ACACB: variants seen among roughly 807,000 people sequenced by gnomAD.
ACACB encodes the protein acetyl-CoA carboxylase beta, also known as acetyl-CoA carboxylase 2.
Under a neutral mutation model 278.8 loss-of-function variants are expected in ACACB, and 209 were observed. The observed-to-expected ratio is 0.75, with a 90% CI of 0.67 to 0.84. ACACB has a LOEUF of 0.84. ACACB is among the 40% of genes least tolerant of loss of function. ACACB has a pLI of 0.00. For synonymous variants in ACACB, 1,174 were observed against 1,285.6 expected (o/e 0.91, Z 1.86); for missense variants, 2,850 against 3,269.0 (o/e 0.87, Z 3.13).
At chr12:109,198,786 A>ATT (rs566012613) in intron 17 of ACACB, among the ~76,000 whole-genome samples, 2 of 146,022 alleles carry the variant, frequency 1.4e-5, no homozygotes, top group African/African-American at 5.0e-5. Context: ...ACGCCCAGCT[A>ATT]TTTTTTTTTT....
chr12:109,210,283 A>ATG, intron 21 of ACACB, among the ~76,000 whole-genome samples: 1 of 21,072 alleles, frequency 4.7e-5, no homozygotes, highest in East Asian at 1.8e-3. Flanking sequence ...ATACACACAC[A>ATG]TATCTGTGTG....
chr12:109,257,135 G>C (rs771198094), intron 45 of ACACB, among the ~76,000 whole-genome samples: 1 of 152,166 alleles, frequency 6.6e-6, no homozygotes, highest in Admixed American at 6.5e-5. Context: ...TTAGCTGGGC[G>C]TGGTGGCAGG....
intron 40 of ACACB, 42 bp from the exon 41 acceptor site, chr12:109,249,942 T>G (rs751367571): frequency 5.1e-6 from 8 of 1,564,540 alleles, no homozygotes; most frequent in Non-Finnish European, 6.9e-6. Flanking sequence ...TTGGATTTTT[T>G]GGGGCTAGAG....
In ACACB at chr12:109,188,158, A is replaced by T. The variant is rs1593502488; in HGVS notation, c.2140A>T (p.Ile714Phe). The T allele has an allele frequency of 6.3e-7, 1 of 1,594,334 alleles. No homozygotes were observed. Among genetic ancestry groups the T allele is most frequent in the African/African-American group, 1.3e-5 (1 of 74,280 alleles). ...FSWGENREEA[I>F]SNMVVALKEL... ...CTGGGGAGAGAACCGGGAAGAGGCC[A>T]TTTCGTCAGTATCTCCTTCCTTCCT... The change falls in exon 13 of 53, where the codon ATT becomes TTT. Residue 714 changes from isoleucine to phenylalanine, a missense_variant. Ile to Phe is a conservative substitution (Grantham distance 21). This residue lies in a region of ACACB where 2,265 missense variants were observed against 2,561.3 expected (regional missense o/e 0.88). Transcript: ENST00000338432.
At position 109,168,013 on chromosome 12, in the gene ACACB, G is replaced by C. The variant is rs763571331; in HGVS notation, c.904G>C (p.Glu302Gln). 6.2e-7 allele frequency: 1 copy of C among 1,612,696 alleles called. No homozygotes were observed. Among genetic ancestry groups the C allele is most frequent in the Non-Finnish European group, 8.5e-7 (1 of 1,179,296 alleles). ...CCGGTTTGTTGTGATGGTGACCCCC[G>C]AGGACCTTAAGGCCAACGCAGGTAC... The part of the protein sequence containing the change: ...AIRFVVMVTP[E>Q]DLKANAEYIK... Residue 302 changes from glutamate (E) to glutamine (Q), a missense_variant, in exon 4 of 53, where the codon GAG (glutamate) becomes CAG (glutamine). This residue lies in a region of ACACB where 2,265 missense variants were observed against 2,561.3 expected (regional missense o/e 0.88). Transcript: ENST00000338432.
In ACACB at chr12:109,203,814, G is replaced by A. The variant is rs116111622; in HGVS notation, c.2913+2113G>A. Among the ~76,000 whole-genome samples the A allele has an allele frequency of 8.6e-3, 1,315 of 152,232 alleles. 30 individuals are homozygous for A. The highest frequency in any genetic ancestry group is 0.03 in the African/African-American group (1,252 of 41,526). ...GTCCCTGAGGTCAAGGACTACTTTC[G>A]ATGTCCACTGTTGTGATCCTGGGGC... On this transcript the variant is annotated intron_variant, in intron 19 of 52. Coordinates refer to ENST00000338432, the MANE Select transcript of ACACB (RefSeq NM_001093.4).
At chr12:109,215,610 A>G (rs1011722100) in intron 22 of ACACB, among the ~76,000 whole-genome samples, 1 of 151,988 alleles carries the variant, frequency 6.6e-6, no homozygotes, top group Non-Finnish European at 1.5e-5. Context: ...AAAAATACAA[A>G]AAAATTAGCC....
intron 22 of ACACB, among the ~76,000 whole-genome samples, chr12:109,213,273 A>G (rs1030474139): frequency 6.6e-6 from 1 of 152,182 alleles, no homozygotes; most frequent in African/African-American, 2.4e-5. Context: ...CATGTTGGCC[A>G]GGCTGGTCTC....
chr12:109,164,841 C>T lies in ACACB; in HGVS notation c.654-2020C>T, dbSNP rs566246061. Among the ~76,000 whole-genome samples the T allele has an allele frequency of 2.4e-4, 36 of 149,132 alleles. No homozygotes were observed. The South Asian group carries it at 5.1e-3, about 21-fold the overall frequency. On this transcript the variant is annotated intron_variant, in intron 2 of 52. Transcript: ENST00000338432. ...CAAGCAATTCTCCCTCCTCGGCTTT[C>T]CAAGGTGCTGGGATTACAGGTGTGA...
intron 11 of ACACB, among the ~76,000 whole-genome samples, chr12:109,182,191 G>C (rs1336965817): frequency 6.6e-6 from 1 of 152,116 alleles, no homozygotes; most frequent in Non-Finnish European, 1.5e-5. Flanking sequence ...ATTTTAACTG[G>C]AGTGAGACAA....
chr12:109,215,183 C>G, intron 22 of ACACB, among the ~76,000 whole-genome samples: 1 of 151,592 alleles, frequency 6.6e-6, no homozygotes, highest in East Asian at 1.9e-4. Flanking sequence ...TTAAAATGGT[C>G]TCTATACCTT....
chr12:109,254,167 T>C (rs997153164), intron 43 of ACACB, 47 bp from the exon 44 acceptor site: 4 of 1,609,050 alleles, frequency 2.5e-6, no homozygotes, highest in African/African-American at 2.7e-5. Flanking sequence ...AGAGGTATTA[T>C]TGACAAGCAC....
chr12:109,139,816 C>T lies in ACACB; in HGVS notation c.411C>T (p.Ala137=). ...ATDTNGLSSS[A]RPQGQQAGSP... is the part of the protein sequence containing the mutation. ...ATACCAATGGCCTGTCCTCCTCAGC[C>T]AGGCCCCAGGGCCAGCAAGCTGGCT... The change falls in exon 2 of 53, where the codon GCC becomes GCT. Residue 137 remains alanine (A), a synonymous_variant. Coordinates refer to ENST00000338432, the MANE Select transcript of ACACB (RefSeq NM_001093.4). 1 of 1,614,220 alleles carries T rather than the reference C, an allele frequency of 6.2e-7. No individual in the cohort carries two copies. Among genetic ancestry groups the T allele is most frequent in the Non-Finnish European group, 8.5e-7 (1 of 1,180,038 alleles).
At chr12:109,201,526 TC>T (rs757108967) in intron 18 of ACACB, 40 bp from the exon 19 acceptor site, 2 of 1,607,038 alleles carry the variant, frequency 1.2e-6, no homozygotes, top group Non-Finnish European at 1.7e-6. Flanking sequence ...TGGGTGTCAA[TC>T]CCGGTGGGCT....
In ACACB at chr12:109,266,650, GTT is replaced by G. The variant is rs1441345244; in HGVS notation, c.*290_*291del. 9.1e-6 allele frequency: 2 copies of G among 219,366 alleles called. No individual in the cohort carries two copies. The highest frequency in any genetic ancestry group is 1.8e-5 in the Non-Finnish European group (2 of 113,110). The allele number at this position is 219,366 out of a possible 1,614,324, so 13.6% of individuals were successfully genotyped here. A position where few individuals can be genotyped will look rare whatever the true frequency, so the allele number is the denominator to read the frequency against. On this transcript the variant is annotated 3_prime_UTR_variant, in exon 53 of 53. Coordinates refer to ENST00000338432, the MANE Select transcript of ACACB (RefSeq NM_001093.4). Reference sequence around the variant, plus strand: ...AATCTAATCAAGCTAAAACATCCCTGTTTCCTTTTGCAAAACAGTGCCTGGCA... The same window carrying G: ...AATCTAATCAAGCTAAAACATCCCTGTCCTTTTGCAAAACAGTGCCTGGCA...
chr12:109,260,374 C>T, intron 47 of ACACB, 106 bp from the exon 48 acceptor site: 1 of 1,415,490 alleles, frequency 7.1e-7, no homozygotes, highest in Non-Finnish European at 9.8e-7. Context: ...CTCTCCAAGC[C>T]TCTCAGCTGG....
chr12:109,196,235 C>T (rs2045124187), intron 16 of ACACB, among the ~76,000 whole-genome samples: 2 of 152,074 alleles, frequency 1.3e-5, no homozygotes, highest in South Asian at 4.1e-4. Context: ...CTTGTGTGCT[C>T]CTGGGCAGAG....
chr12:109,210,440 T>C (rs61934318), intron 21 of ACACB, among the ~76,000 whole-genome samples: 4,676 of 114,900 alleles, frequency 0.041, 377 homozygotes, highest in South Asian at 0.052. Flanking sequence ...TACACGCACA[T>C]ACATGTGTAT....
intron 11 of ACACB, 146 bp downstream of exon 11, chr12:109,180,233 A>T (rs1439463463): frequency 1.3e-6 from 1 of 767,834 alleles, no homozygotes; most frequent in East Asian, 2.7e-5. Context: ...AATCTGTAAA[A>T]GCTATAGTTC....
Sources: gnomAD v4.1 joint callset for allele counts (sites outside exome capture counted in the v4.1 genomes callset) on GRCh38, gnomAD v4.1.1 for gene constraint, gnomAD v4.1.1 regional missense constraint, MANE v1.5 for transcripts, NCBI Gene and HGNC (gene_info 2026-07-23, HGNC 2026-07-21) for gene names.